Variants in DYNC2H1 observed in about 807,000 individuals in gnomAD.
DYNC2H1 encodes cytoplasmic dynein 2 heavy chain 1.
Under a neutral mutation model 570.0 loss-of-function variants are expected in DYNC2H1, and 410 were observed. The observed-to-expected ratio is 0.72, with a 90% CI of 0.66 to 0.78. DYNC2H1 has a LOEUF of 0.78. Ranked by LOEUF, DYNC2H1 falls within the 30% of genes least tolerant of loss-of-function variation. The pLI is 0.00. For missense variants in DYNC2H1, 4,865 were observed against 5,046.4 expected, an observed-to-expected ratio of 0.96 and a Z score of 1.09; for synonymous variants, 1,688 against 1,677.6, an observed-to-expected ratio of 1.01 and a Z score of -0.15.
chr11:103,474,191 A>T (rs1211441094), intron 88 of DYNC2H1: 1 of 159,892 alleles, frequency 6.3e-6, no homozygotes, highest in African/African-American at 2.4e-5. Context: ...GACATTCTTA[A>T]CAGAACAAAG....
rs2134871260 is a variant in DYNC2H1 at position 103,151,755 on chromosome 11, A to G, written c.2947-381A>G. ...AGTTAACTTATGCTCTTAGATAATC[A>G]CTAATTTTAGCTCCTTTAGAAACCT... On this transcript the variant is annotated intron_variant, in intron 20 of 88. Transcript: ENST00000375735. This position sits in a 1 kb window ranked among gnomAD's most constrained non-coding sequence, Gnocchi z 4.6. Among the ~76,000 whole-genome samples, 1 of 152,228 alleles carries G rather than the reference A, an allele frequency of 6.6e-6. No homozygotes were observed. Among genetic ancestry groups the G allele is most frequent in the African/African-American group, 2.4e-5 (1 of 41,558 alleles).
At chr11:103,405,830 T>C (rs1460536235) in intron 84 of DYNC2H1, 1 of 151,916 alleles carries the variant, frequency 6.6e-6, no homozygotes, top group Non-Finnish European at 1.5e-5. Context: ...CAATGATTGA[T>C]GAACGTAAGT....
intron 84 of DYNC2H1, among the ~76,000 whole-genome samples, chr11:103,433,379 T>C (rs988787062): frequency 6.6e-6 from 1 of 152,094 alleles, no homozygotes; most frequent in Admixed American, 6.6e-5. Context: ...TATTGGTAAC[T>C]CTCTTAACCA....
chr11:103,339,884 T>C (rs1481129050), intron 82 of DYNC2H1, among the ~76,000 whole-genome samples: 1 of 152,232 alleles, frequency 6.6e-6, no homozygotes, highest in Non-Finnish European at 1.5e-5. Context: ...ATGGTCTGTT[T>C]GCCCCCTCTG....
rs1246498778 is a variant in DYNC2H1, at chr11:103,201,184, T to C, written c.8197+1030T>C. On this transcript the variant is annotated intron_variant, in intron 50 of 88. Coordinates refer to ENST00000375735, the MANE Select transcript of DYNC2H1 (RefSeq NM_001377.3). The surrounding 1 kb of genome is among the most constrained non-coding windows in gnomAD (Gnocchi z 4.8). ...ATTATTTTTAAGGAAAAAAGGAACT[T>C]ATATGTACTTTATGCATCTGTATAA... Among the ~76,000 whole-genome samples, 1 of 152,074 alleles carries C rather than the reference T, an allele frequency of 6.6e-6. No individual in the cohort carries two copies. The highest frequency in any genetic ancestry group is 1.9e-4 in the East Asian group (1 of 5,184).
At chr11:103,417,875 CAAA>C (rs57468229) in intron 84 of DYNC2H1, among the ~76,000 whole-genome samples, 5 of 131,510 alleles carry the variant, frequency 3.8e-5, no homozygotes, top group Admixed American at 7.5e-5. Flanking sequence ...GACTCCATCT[CAAA>C]AAAAAAAAAA....
At chr11:103,158,339 C>T (rs1186345107) in intron 26 of DYNC2H1, among the ~76,000 whole-genome samples, 4 of 152,168 alleles carry the variant, frequency 2.6e-5, no homozygotes, top group African/African-American at 7.2e-5. Flanking sequence ...TTCCCAGCTA[C>T]TTGGGAGGCT....
At chr11:103,171,504 C>T (rs532614860) in intron 34 of DYNC2H1, among the ~76,000 whole-genome samples, 1 of 152,266 alleles carries the variant, frequency 6.6e-6, no homozygotes, top group East Asian at 1.9e-4. Context: ...GATCCACCCC[C>T]CTCGGCCTCC....
At chr11:103,312,105 G>T in intron 79 of DYNC2H1, 72 bp downstream of exon 79, 1 of 1,499,324 alleles carries the variant, frequency 6.7e-7, no homozygotes, top group South Asian at 1.3e-5. Context: ...TTGTGGCCAG[G>T]CATGGTGGCT....
intron 78 of DYNC2H1, among the ~76,000 whole-genome samples, chr11:103,310,008 A>G (rs991606175): frequency 5.3e-5 from 8 of 152,064 alleles, no homozygotes; most frequent in Non-Finnish European, 8.8e-5. Context: ...AGCTTAGACT[A>G]TCTGTGTAGT....
rs756807806 is a variant in DYNC2H1 at position 103,113,675 on chromosome 11, G to A, written c.334G>A (p.Val112Ile). The change falls in exon 2 of 89, where the codon GTA becomes ATA. Residue 112 changes from valine (V) to isoleucine (I), a missense_variant. Val to Ile is a conservative substitution (Grantham distance 29). Transcript: ENST00000375735. ...ESPISSLYQAVRQVFAPMLLK... is the reference protein window; with the variant it reads ...ESPISSLYQAIRQVFAPMLLK... Reference sequence around the variant, plus strand: ...ACCTATTAGTTCTCTTTACCAAGCAGTACGGCAAGTATTCGCACCAATGTT... The same window carrying A: ...ACCTATTAGTTCTCTTTACCAAGCAATACGGCAAGTATTCGCACCAATGTT... 6.4e-7 allele frequency: 1 copy of A among 1,552,852 alleles called. No individual in the cohort carries two copies. Among genetic ancestry groups the A allele is most frequent in the South Asian group, 1.3e-5 (1 of 76,810 alleles).
intron 47 of DYNC2H1, 32 bp from the exon 48 acceptor site, chr11:103,197,901 A>G (rs1409534436): frequency 6.4e-7 from 1 of 1,554,424 alleles, no homozygotes; most frequent in African/African-American, 1.4e-5. Context: ...CGAGTAATGC[A>G]TATAAAACAA....
At chr11:103,397,460 C>G (rs1942446713) in intron 83 of DYNC2H1, among the ~76,000 whole-genome samples, 1 of 152,168 alleles carries the variant, frequency 6.6e-6, no homozygotes, top group South Asian at 2.1e-4. Flanking sequence ...ATTTTCAAGA[C>G]TACGTAACAT....
intron 60 of DYNC2H1, among the ~76,000 whole-genome samples, chr11:103,231,836 C>G (rs778082128): frequency 6.6e-6 from 1 of 151,832 alleles, no homozygotes; most frequent in Non-Finnish European, 1.5e-5. Context: ...TTTTTCTCTA[C>G]GTTCAGGAAA....
At chr11:103,478,989 A>G (rs1187511341) in intron 88 of DYNC2H1, 106 bp from the exon 89 acceptor site, 1 of 1,281,586 alleles carries the variant, frequency 7.8e-7, no homozygotes, top group Non-Finnish European at 1.1e-6. Flanking sequence ...TATTAATTTG[A>G]AACATTTCAT....
intron 52 of DYNC2H1, among the ~76,000 whole-genome samples, chr11:103,207,245 A>ATTTT (rs1565396154): frequency 5.9e-5 from 2 of 33,642 alleles, no homozygotes; most frequent in Non-Finnish European, 7.0e-5. Context: ...TTTTTTTTAA[A>ATTTT]AAAAGATGGG....
Position 103,156,426 on chromosome 11 carries a change from A to G in DYNC2H1, c.3783A>G (p.Arg1261=). ...GGGCACAAGGTGAAGTTACAATCAG[A>G]GAAGCTTTACGTGAACTTGATCTTT... ...NSRAQGEVTI[R]EALRELDLWG... The change falls in exon 26 of 89, where the codon AGA becomes AGG. Residue 1261 remains arginine (R), a synonymous_variant. Coordinates refer to ENST00000375735, the MANE Select transcript of DYNC2H1 (RefSeq NM_001377.3). 3 of 1,613,690 alleles carry G rather than the reference A, an allele frequency of 1.9e-6. No homozygotes were observed. Among genetic ancestry groups the G allele is most frequent in the Non-Finnish European group, 2.5e-6 (3 of 1,179,712 alleles).
chr11:103,185,752 C>T lies in DYNC2H1; in HGVS notation c.6634-490C>T, dbSNP rs1862038348. 6.6e-6 allele frequency among the ~76,000 whole-genome samples: 1 copy of T among 151,892 alleles called. No individual in the cohort carries two copies. ...TATATGCTGCTTTTAAGCACATACT[C>T]TCTTGTCAAAGTTCCGAATAAATGT... On this transcript the variant is annotated intron_variant, in intron 41 of 88. Coordinates refer to ENST00000375735, the MANE Select transcript of DYNC2H1 (RefSeq NM_001377.3). This position sits in a 1 kb window ranked among gnomAD's most constrained non-coding sequence, Gnocchi z 4.5.
intron 63 of DYNC2H1, among the ~76,000 whole-genome samples, chr11:103,237,523 T>G (rs577300367): frequency 2.0e-4 from 30 of 152,090 alleles, no homozygotes; most frequent in African/African-American, 6.7e-4. Flanking sequence ...TTTCTATTAA[T>G]TTGATTTTGC....
Sources: allele counts gnomAD v4.1 joint callset (sites outside exome capture counted in the v4.1 genomes callset), GRCh38; gene constraint gnomAD v4.1.1; non-coding constraint Gnocchi (gnomAD v3.1); transcripts MANE v1.5; gene names NCBI Gene and HGNC (gene_info 2026-07-23, HGNC 2026-07-21).